The following COPG2 variants were observed in gnomAD, a reference collection of about 807,000 sequenced individuals.
COPG2 encodes coatomer subunit gamma-2.
In COPG2, 37 loss-of-function variants were observed where a neutral mutation model predicts 46.3. The ratio of observed to expected loss-of-function variants is 0.80; its 90% CI spans 0.61 to 1.05. The LOEUF is 1.05. Ranked by LOEUF, COPG2 falls within the 50% of genes least tolerant of loss-of-function variation. The pLI is 0.00. For synonymous variants in COPG2, 159 were observed against 129.7 expected, an observed-to-expected ratio of 1.23 and a Z score of -1.53; for missense variants, 427 against 387.8, an observed-to-expected ratio of 1.10 and a Z score of -0.85.
intron 9 of COPG2, among the ~76,000 whole-genome samples, chr7:130,587,311 AAAAG>A (rs1794296595): frequency 6.6e-6 from 1 of 151,928 alleles, no homozygotes; most frequent in Non-Finnish European, 1.5e-5. Context: ...CATCTCAAAA[AAAAG>A]AAAAGAAAAG....
chr7:130,534,508 G>C (rs908814882), intron 20 of COPG2, among the ~76,000 whole-genome samples: 206 of 152,256 alleles, frequency 1.4e-3, no homozygotes, highest in African/African-American at 4.6e-3. Flanking sequence ...CAATGGGGGT[G>C]GGGGGCACAG....
At chr7:130,573,699 G>C (rs1422537642) in intron 9 of COPG2, among the ~76,000 whole-genome samples, 1 of 151,996 alleles carries the variant, frequency 6.6e-6, no homozygotes, top group Non-Finnish European at 1.5e-5. Flanking sequence ...AAAGTCAATT[G>C]ACAAAATCTA....
chr7:130,617,239 C>A (rs782353645), intron 5 of COPG2, among the ~76,000 whole-genome samples, 174 bp from the exon 6 acceptor site: 4 of 152,178 alleles, frequency 2.6e-5, no homozygotes, highest in Non-Finnish European at 5.9e-5. Flanking sequence ...GAAGACTGTT[C>A]TAATTCAAGA....
intron 20 of COPG2, among the ~76,000 whole-genome samples, chr7:130,526,062 G>C (rs947202634): frequency 1.1e-4 from 17 of 152,038 alleles, no homozygotes; most frequent in South Asian, 2.1e-4. Flanking sequence ...AAGGAGGTGA[G>C]GAAAGGAGGA....
At chr7:130,648,314 C>A (rs1332257019) in intron 5 of COPG2, among the ~76,000 whole-genome samples, 2 of 152,148 alleles carry the variant, frequency 1.3e-5, no homozygotes, top group African/African-American at 4.8e-5. Flanking sequence ...ATAAGTCTCA[C>A]TGGGCTAAAA....
At chr7:130,628,365 C>G (rs900925570) in intron 5 of COPG2, among the ~76,000 whole-genome samples, 1 of 151,770 alleles carries the variant, frequency 6.6e-6, no homozygotes, top group African/African-American at 2.4e-5. Context: ...GTTTATACTT[C>G]TTTAAATTTT....
chr7:130,584,071 C>T (rs1794217059), intron 9 of COPG2, among the ~76,000 whole-genome samples: 1 of 151,872 alleles, frequency 6.6e-6, no homozygotes, highest in Admixed American at 6.6e-5. Flanking sequence ...TAACAAAATA[C>T]TAGCTAACTG....
chr7:130,632,099 C>T (rs1795244499), intron 5 of COPG2, among the ~76,000 whole-genome samples: 1 of 152,202 alleles, frequency 6.6e-6, no homozygotes, highest in South Asian at 2.1e-4. Flanking sequence ...CATCTCCCTT[C>T]AGCCTGAAAA....
Position 130,542,487 on chromosome 7 carries a change from A to G in COPG2, c.2149+5187T>C, listed in dbSNP as rs936667001. On this transcript the variant is annotated intron_variant, in intron 20 of 23. Transcript: ENST00000425248. ...GGACTCAGTACAGCAGGTTGAGGAC[A>G]TGGAAGCTGGCAGTGGTGTCATCAG... Among the ~76,000 whole-genome samples the G allele has an allele frequency of 2.5e-3, 374 of 152,268 alleles. 2 individuals are homozygous for G. The highest frequency in any genetic ancestry group is 8.7e-3 in the African/African-American group (363 of 41,550).
At chr7:130,589,008 C>T (rs1489210623) in intron 9 of COPG2, among the ~76,000 whole-genome samples, 1 of 152,026 alleles carries the variant, frequency 6.6e-6, no homozygotes, top group Non-Finnish European at 1.5e-5. Context: ...ACAGAAATGG[C>T]ATTGGCTGTA....
intron 5 of COPG2, among the ~76,000 whole-genome samples, chr7:130,640,266 G>C (rs1233564950): frequency 1.4e-5 from 2 of 141,142 alleles, no homozygotes; most frequent in African/African-American, 5.2e-5. Context: ...GATTCAGTCT[G>C]CCCTTGGGTC....
At chr7:130,528,937 TAAGC>T (rs1249837019) in intron 20 of COPG2, among the ~76,000 whole-genome samples, 4 of 151,826 alleles carry the variant, frequency 2.6e-5, no homozygotes, top group African/African-American at 9.7e-5. Flanking sequence ...GTGGGTAAGA[TAAGC>T]AAGGAATGAA....
chr7:130,595,817 G>A (rs1160107751), intron 9 of COPG2, among the ~76,000 whole-genome samples: 2 of 151,968 alleles, frequency 1.3e-5, no homozygotes, highest in Non-Finnish European at 2.9e-5. Context: ...CCCCCCTCCA[G>A]CCTACCAGTA....
At chr7:130,604,039 G>T (rs1416620172) in intron 9 of COPG2, among the ~76,000 whole-genome samples, 5 of 152,166 alleles carry the variant, frequency 3.3e-5, no homozygotes, top group Non-Finnish European at 7.4e-5. Context: ...TTCATTAAGT[G>T]AAAGTGGATC....
In COPG2 at chr7:130,508,602, G is replaced by T. The variant is rs199545944; in HGVS notation, c.2207C>A (p.Thr736Asn). Residue 736 changes from threonine (T) to asparagine (N), a missense_variant, in exon 21 of 24, where the codon ACT becomes AAT. By Grantham distance (65) the Thr-to-Asn change is moderately conservative. Coordinates refer to ENST00000425248, the MANE Select transcript of COPG2 (RefSeq NM_012133.6). ...KFTVRDCDPNTGVPDEDGYDD... is the reference protein window; with the variant it reads ...KFTVRDCDPNNGVPDEDGYDD... ...ATACCCATCCTCATCTGGAACTCCA[G>T]TGTTAGGGTCACAGTCCCGGACTGT... The T allele has an allele frequency of 3.2e-4, 252 of 777,312 alleles. No homozygotes were observed. The African/African-American group carries it at 3.4e-3, about 11-fold the overall frequency. The allele number at this position is 777,312 out of a possible 1,614,324, so 48.2% of individuals were successfully genotyped here.
At chr7:130,606,423 A>G (rs1306241240) in intron 9 of COPG2, among the ~76,000 whole-genome samples, 2 of 152,234 alleles carry the variant, frequency 1.3e-5, no homozygotes, top group Non-Finnish European at 2.9e-5. Flanking sequence ...AACTGCCTAC[A>G]GAAATTTGGA....
chr7:130,645,081 A>AG, intron 5 of COPG2: 1 of 378,094 alleles, frequency 2.6e-6, no homozygotes, highest in Non-Finnish European at 5.1e-6. Context: ...AAAAAAAAAA[A>AG]AAAAGAAAAG....
chr7:130,570,478 G>C (rs1793876735), intron 9 of COPG2, among the ~76,000 whole-genome samples: 4 of 151,988 alleles, frequency 2.6e-5, no homozygotes. Flanking sequence ...AAAATACTTA[G>C]GAATATATCT....
intron 20 of COPG2, among the ~76,000 whole-genome samples, chr7:130,524,783 AAC>A (rs1799758404): frequency 1.3e-5 from 2 of 152,168 alleles, no homozygotes; most frequent in Admixed American, 6.5e-5. Context: ...CTACCTTGGA[AAC>A]ACAGGGGACC....
Sources: gnomAD v4.1 joint callset for allele counts (sites outside exome capture counted in the v4.1 genomes callset) on GRCh38, gnomAD v4.1.1 for gene constraint, MANE v1.5 for transcripts, NCBI Gene and HGNC (gene_info 2026-07-23, HGNC 2026-07-21) for gene names.